The following NUP155 variants were observed in gnomAD, a reference collection of about 807,000 sequenced individuals.
NUP155 encodes the protein nucleoporin 155.
Under a neutral mutation model 180.4 loss-of-function variants are expected in NUP155, and 71 were observed. The observed-to-expected ratio is 0.39, with a 90% CI of 0.33 to 0.48. The LOEUF is 0.48. Among genes scored for constraint, NUP155 ranks in the 20% least tolerant of loss-of-function variants. NUP155 has a pLI of 0.91. For missense variants in NUP155, 1,553 were observed against 1,648.9 expected (o/e 0.94, Z 1.01); for synonymous variants, 582 against 559.5 (o/e 1.04, Z -0.57).
At chr5:37,360,998 G>A (rs916859177) in intron 3 of NUP155, among the ~76,000 whole-genome samples, 2 of 152,096 alleles carry the variant, frequency 1.3e-5, no homozygotes, top group Non-Finnish European at 2.9e-5. Flanking sequence ...GCTGGGTGCG[G>A]TGGCTCATGC....
intron 4 of NUP155, among the ~76,000 whole-genome samples, chr5:37,355,364 C>T (rs756886048): frequency 1.4e-4 from 21 of 151,606 alleles, no homozygotes; most frequent in Non-Finnish European, 2.9e-4. Flanking sequence ...AAAAATTAGC[C>T]GGGAATGGTG....
intron 1 of NUP155, among the ~76,000 whole-genome samples, chr5:37,367,345 G>T (rs1747660292): frequency 6.6e-6 from 1 of 151,190 alleles, no homozygotes; most frequent in Non-Finnish European, 1.5e-5. Context: ...CTCCCGAGAT[G>T]CCAGGACTAC....
intron 21 of NUP155, 143 bp downstream of exon 21, chr5:37,317,845 C>A: frequency 1.5e-6 from 1 of 674,302 alleles, no homozygotes; most frequent in Admixed American, 2.0e-5. Context: ...GAGCCACCAC[C>A]CCGGACCCAA....
At chr5:37,332,216 G>A (rs1745015974) in intron 13 of NUP155, among the ~76,000 whole-genome samples, 1 of 133,848 alleles carries the variant, frequency 7.5e-6, no homozygotes, top group Admixed American at 7.7e-5. Flanking sequence ...CCTTATACCA[G>A]AGTAAATTCC....
chr5:37,309,016 G>T, intron 24 of NUP155, 113 bp downstream of exon 24: 1 of 1,113,356 alleles, frequency 9.0e-7, no homozygotes, highest in Non-Finnish European at 1.3e-6. Context: ...CTCTGATGCT[G>T]AAAGAAGATT....
intron 19 of NUP155, among the ~76,000 whole-genome samples, chr5:37,324,635 C>A (rs1744467628): frequency 6.6e-6 from 1 of 151,978 alleles, no homozygotes; most frequent in Non-Finnish European, 1.5e-5. Context: ...CTTACTGCAG[C>A]CTTGACTTCC....
In NUP155 at chr5:37,325,945, C is replaced by A; in HGVS notation, c.2047G>T (p.Val683Phe). 1 of 1,610,636 alleles carries A rather than the reference C, an allele frequency of 6.2e-7. No individual in the cohort carries two copies. Among genetic ancestry groups the A allele is most frequent in the Non-Finnish European group, 8.5e-7 (1 of 1,178,030 alleles). The change falls in exon 19 of 35, where the codon GTT (valine) becomes TTT (phenylalanine). Residue 683 changes from valine to phenylalanine, a missense_variant. Val to Phe is a conservative substitution (Grantham distance 50). Coordinates refer to ENST00000231498, the MANE Select transcript of NUP155 (RefSeq NM_153485.3). Reference protein sequence around the residue: ...IMGNIWDASLVVERIFKSGNR... With the variant: ...IMGNIWDASLFVERIFKSGNR... ...CCACTCTTGAATATTCTCTCCACAA[C>A]TAAGCTTGCATCCCAAATGTTTCTG... is the stretch of plus-strand genomic sequence containing the variant.
chr5:37,326,405 T>C (rs1369312605), intron 18 of NUP155, among the ~76,000 whole-genome samples: 5 of 152,180 alleles, frequency 3.3e-5, no homozygotes, highest in Admixed American at 2.6e-4. Flanking sequence ...TGCAGTATGA[T>C]TTGATGTCTC....
At chr5:37,368,418 A>C (rs1014642715) in intron 1 of NUP155, among the ~76,000 whole-genome samples, 2 of 151,648 alleles carry the variant, frequency 1.3e-5, no homozygotes, top group Non-Finnish European at 2.9e-5. Context: ...TTTCTTTAAG[A>C]GGCTGGGTTT....
Position 37,371,043 on chromosome 5 carries a change from AAGAAGTT to A in NUP155, c.-73_-67del. On this transcript the variant is annotated 5_prime_UTR_variant, in exon 1 of 35. Transcript: ENST00000231498. Reference sequence around the variant, plus strand: ...ACCAAGGAGAAACAAGAAAAGATCCAAGAAGTTAGCTTAGATCCGCCGCCTAGGGCGC... The same window carrying A: ...ACCAAGGAGAAACAAGAAAAGATCCAAGCTTAGATCCGCCGCCTAGGGCGC... The A allele has an allele frequency of 6.4e-7, 1 of 1,572,426 alleles. No individual in the cohort carries two copies.
rs1581119641 is a variant in NUP155 at position 37,289,793 on chromosome 5, C to T, written c.*2107G>A. 1.3e-5 allele frequency: 2 copies of T among 152,328 alleles called. No individual in the cohort carries two copies. Among genetic ancestry groups the T allele is most frequent in the East Asian group, 3.9e-4 (2 of 5,188 alleles). 9.4% of individuals were successfully genotyped at this position (152,328 alleles called of 1,614,324 possible). A position where few individuals can be genotyped will look rare whatever the true frequency, so the allele number is the denominator to read the frequency against. ...AATGAAGTTCTTATCTCTAGCAGAA[C>T]TGGAGTCACACCTAAATTACAACAT... On this transcript the variant is annotated 3_prime_UTR_variant, in exon 35 of 35. Coordinates refer to ENST00000231498, the MANE Select transcript of NUP155 (RefSeq NM_153485.3).
At position 37,314,209 on chromosome 5, in the gene NUP155, C is replaced by T; in HGVS notation, c.2425G>A (p.Glu809Lys). 1.2e-6 allele frequency: 2 copies of T among 1,607,096 alleles called. No individual in the cohort carries two copies. The highest frequency in any genetic ancestry group is 2.2e-5 in the South Asian group (2 of 90,210). ...ATAAAAAAAATTACCTTCTGAAGTT[C>T]TGCCACAATGATAGTGAATTGATGT... ...CEHQFTIIVAELQKELQEQLK... is the reference protein window; with the variant it reads ...CEHQFTIIVAKLQKELQEQLK... The change falls in exon 22 of 35, where the codon GAA (glutamate) becomes AAA (lysine). Residue 809 changes from glutamate to lysine, a missense_variant. Physicochemically the swap from Glu to Lys is moderately conservative, Grantham distance 56 (BLOSUM62 1). Transcript: ENST00000231498.
At chr5:37,345,495 A>C (rs1426375572) in intron 9 of NUP155, among the ~76,000 whole-genome samples, 5 of 130,928 alleles carry the variant, frequency 3.8e-5, no homozygotes, top group Non-Finnish European at 4.7e-5. Context: ...TGGGTATCAG[A>C]GTGTGACTCC....
intron 32 of NUP155, 85 bp from the exon 33 acceptor site, chr5:37,294,550 TA>T: frequency 3.7e-6 from 5 of 1,339,300 alleles, no homozygotes; most frequent in Non-Finnish European, 5.3e-6. Context: ...GAATAGTTTC[TA>T]GGGGGATATC....
At chr5:37,318,507 TGTCCCCAAATCTGAAAC>T in intron 20 of NUP155, among the ~76,000 whole-genome samples, 1 of 136,228 alleles carries the variant, frequency 7.3e-6, no homozygotes, top group South Asian at 2.4e-4. Context: ...ACATCTGAAA[TGTCCCCAAATCTGAAAC>T]GTTTTGCACA....
chr5:37,319,159 G>C (rs1744089335), intron 20 of NUP155, among the ~76,000 whole-genome samples: 1 of 152,210 alleles, frequency 6.6e-6, no homozygotes, highest in African/African-American at 2.4e-5. Flanking sequence ...TACAGAGATA[G>C]AGCAGATCAG....
chr5:37,298,309 TTGA>T (rs1742694873), intron 32 of NUP155, among the ~76,000 whole-genome samples: 1 of 152,012 alleles, frequency 6.6e-6, no homozygotes. Context: ...ACAAAAGTAG[TTGA>T]TATTCTAATT....
At chr5:37,298,044 C>A (rs1742681064) in intron 32 of NUP155, among the ~76,000 whole-genome samples, 2 of 151,800 alleles carry the variant, frequency 1.3e-5, no homozygotes, top group Non-Finnish European at 2.9e-5. Context: ...TTGAGACCAG[C>A]CTAGACAACA....
intron 4 of NUP155, among the ~76,000 whole-genome samples, chr5:37,354,917 C>T (rs1746714192): frequency 6.6e-6 from 1 of 151,414 alleles, no homozygotes; most frequent in African/African-American, 2.4e-5. Flanking sequence ...CATGGTGAAA[C>T]CCTGTCTCTA....
Sources: allele counts gnomAD v4.1 joint callset (sites outside exome capture counted in the v4.1 genomes callset), GRCh38; gene constraint gnomAD v4.1.1; transcripts MANE v1.5; gene names NCBI Gene and HGNC (gene_info 2026-07-23, HGNC 2026-07-21).